Variants in WDR4 observed in about 807,000 individuals in gnomAD.
WDR4 encodes the protein WDR4 tRNA N7-guanosine methyltransferase non-catalytic subunit.
WDR4 carries 47 observed loss-of-function variants against 48.6 expected under a neutral mutation model. The ratio of observed to expected loss-of-function variants is 0.97; its 90% CI spans 0.77 to 1.23. The LOEUF (loss-of-function observed/expected upper bound fraction) is 1.23, where lower values mean the gene tolerates loss of function less well. Among genes scored for constraint, WDR4 ranks in the 50% most tolerant of loss-of-function variants. The probability of loss-of-function intolerance (pLI) is 0.00; values close to 1 mark genes in which losing one functional copy is unlikely to be tolerated. For synonymous variants in WDR4, 268 were observed against 230.0 expected, an observed-to-expected ratio of 1.17 and a Z score of -1.49; for missense variants, 606 against 551.6, an observed-to-expected ratio of 1.10 and a Z score of -0.99.
At chr21:42,844,504 G>A (rs1057132342), downstream of WDR4, among the ~76,000 whole-genome samples, 4 of 152,308 alleles carry the variant, frequency 2.6e-5, no homozygotes, top group African/African-American at 7.2e-5. Context: ...CTGAGGCCTC[G>A]GGAGAACCTC....
At chr21:42,850,348 C>G (rs2057792504) in intron 10 of WDR4, 106 bp from the exon 11 acceptor site, 2 of 1,050,204 alleles carry the variant, frequency 1.9e-6, no homozygotes, top group African/African-American at 1.6e-5. Flanking sequence ...CTCCCAGAGT[C>G]CTCGGTGGAC....
downstream of WDR4, among the ~76,000 whole-genome samples, chr21:42,848,774 T>A (rs1602679550): frequency 2.1e-5 from 1 of 48,138 alleles, no homozygotes. Context: ...GGCGCGCACC[T>A]CACACAGCAC....
the WDR4 span, among the ~76,000 whole-genome samples, chr21:42,887,192 G>C: frequency 1.3e-5 from 2 of 152,072 alleles, no homozygotes; most frequent in Non-Finnish European, 2.9e-5. Context: ...GGGTTTCTCC[G>C]TGTTGGTCAG....
Position 42,849,857 on chromosome 21 carries a change from C to T in WDR4, c.*192G>A. On this transcript the variant is annotated 3_prime_UTR_variant, in exon 11 of 11. Coordinates refer to ENST00000398208, the MANE Select transcript of WDR4 (RefSeq NM_018669.6). ...GGCTTCCCTTCAACCAGAAAGGGGG[C>T]ACAGGCACCCAGCAAGAGCCTGTGC... 1.6e-6 allele frequency: 1 copy of T among 640,500 alleles called. No individual in the cohort carries two copies. The highest frequency in any genetic ancestry group is 2.5e-6 in the Non-Finnish European group (1 of 393,718). 39.7% of individuals were successfully genotyped at this position (640,500 alleles called of 1,614,324 possible). A position where few individuals can be genotyped will look rare whatever the true frequency, so the allele number is the denominator to read the frequency against.
At chr21:42,886,081 C>T in the WDR4 span, among the ~76,000 whole-genome samples, 1 of 152,012 alleles carries the variant, frequency 6.6e-6, no homozygotes, top group East Asian at 1.9e-4. Context: ...CTCAGCCTCC[C>T]GAGTAGCTGG....
At position 42,876,784 on chromosome 21, in the gene WDR4, A is replaced by G. The variant is rs369382950; in HGVS notation, c.90-17T>C. 39 of 1,600,458 alleles carry G rather than the reference A, an allele frequency of 2.4e-5. No homozygotes were observed. The highest frequency in any genetic ancestry group is 1.1e-5 in the Non-Finnish European group (13 of 1,175,970). ...TCATCATCACTAAAGAGAAATAACAATAATTTTAAAAGGAGTTATCATTAG... is the reference window on the plus strand; with the variant it reads ...TCATCATCACTAAAGAGAAATAACAGTAATTTTAAAAGGAGTTATCATTAG... On this transcript the variant is annotated splice_polypyrimidine_tract_variant and intron_variant, in intron 1 of 10. Coordinates refer to ENST00000398208, the MANE Select transcript of WDR4 (RefSeq NM_018669.6).
chr21:42,850,899 G>C (rs2057807842), intron 10 of WDR4, among the ~76,000 whole-genome samples: 1 of 152,194 alleles, frequency 6.6e-6, no homozygotes, highest in Non-Finnish European at 1.5e-5. Flanking sequence ...GCCTCAGCCT[G>C]GCCAGGAAAC....
chr21:42,892,941 G>A, the WDR4 span, among the ~76,000 whole-genome samples: 1 of 152,262 alleles, frequency 6.6e-6, no homozygotes, highest in Non-Finnish European at 1.5e-5. Context: ...GAAGGTCGCA[G>A]ATTTAAGGCT....
chr21:42,892,119 T>TGGC, the WDR4 span, among the ~76,000 whole-genome samples: 13 of 151,920 alleles, frequency 8.6e-5, no homozygotes, highest in African/African-American at 2.9e-4. Flanking sequence ...CCGGGCGTGG[T>TGGC]GGCGGGTGCC....
Position 42,879,499 on chromosome 21 carries a change from C to T in WDR4, c.-4G>A, listed in dbSNP as rs2058583316. 3.1e-6 allele frequency: 5 copies of T among 1,613,194 alleles called. No individual in the cohort carries two copies. The highest frequency in any genetic ancestry group is 4.2e-6 in the Non-Finnish European group (5 of 1,179,838). Reference sequence around the variant, plus strand: ...CCAGTCCCACAGAGCCCGCCATGTACCCGCCCGCCTCACCGCCATACACAT... The same window carrying T: ...CCAGTCCCACAGAGCCCGCCATGTATCCGCCCGCCTCACCGCCATACACAT... On this transcript the variant is annotated 5_prime_UTR_variant, in exon 1 of 11. Transcript: ENST00000398208.
chr21:42,848,193 T>G (rs886837719), downstream of WDR4, among the ~76,000 whole-genome samples: 1 of 152,190 alleles, frequency 6.6e-6, no homozygotes, highest in Non-Finnish European at 1.5e-5. Context: ...CCTGTTCCTG[T>G]GTGGAGACTT....
Position 42,864,039 on chromosome 21 carries a change from G to A in WDR4, c.297-443C>T, listed in dbSNP as rs1193980993. Among the ~76,000 whole-genome samples, 11 of 85,472 alleles carry A rather than the reference G, an allele frequency of 1.3e-4. No homozygotes were observed. In the East Asian group the frequency reaches 1.6e-3, roughly 12 times the overall value. 56.1% of individuals were successfully genotyped at this position (85,472 alleles called of 152,430 possible). A position where few individuals can be genotyped will look rare whatever the true frequency, so the allele number is the denominator to read the frequency against. On this transcript the variant is annotated intron_variant, in intron 3 of 10. Coordinates refer to ENST00000398208, the MANE Select transcript of WDR4 (RefSeq NM_018669.6). ...GGAGAATGGCGTGAACCCGGGAGGCGGAGCTTGCAGTGAGCCGAGATCCCG... is the reference window on the plus strand; with the variant it reads ...GGAGAATGGCGTGAACCCGGGAGGCAGAGCTTGCAGTGAGCCGAGATCCCG...
the WDR4 span, among the ~76,000 whole-genome samples, chr21:42,888,747 A>T: frequency 6.7e-6 from 1 of 148,430 alleles, no homozygotes; most frequent in Admixed American, 6.8e-5. Flanking sequence ...GTCACCCAGG[A>T]TGGAGTGCAG....
At chr21:42,871,587 TG>T (rs2146088236) in intron 3 of WDR4, among the ~76,000 whole-genome samples, 1 of 152,336 alleles carries the variant, frequency 6.6e-6, no homozygotes, top group African/African-American at 2.4e-5. Context: ...AAGATAAAGA[TG>T]ACGCGATCCA....
At chr21:42,873,015 G>A (rs779683717) in intron 3 of WDR4, among the ~76,000 whole-genome samples, 13 of 152,200 alleles carry the variant, frequency 8.5e-5, no homozygotes, top group Non-Finnish European at 1.5e-4. Flanking sequence ...AAGGCATAGC[G>A]ATATCTCCCG....
rs2058131761 is a variant in WDR4, at chr21:42,862,176, AC to A, written c.566+105del. ...AACACCAAGCACGGGGGCTGCTGTC[AC>A]CCGCGTGGGGCCTCGCCAGCTACAA... On this transcript the variant is annotated intron_variant, in intron 5 of 10. Coordinates refer to ENST00000398208, the MANE Select transcript of WDR4 (RefSeq NM_018669.6). The surrounding 1 kb of genome is among the most constrained non-coding windows in gnomAD (Gnocchi z 4.3). 5 of 1,002,314 alleles carry A rather than the reference AC, an allele frequency of 5.0e-6. No homozygotes were observed. Among genetic ancestry groups the A allele is most frequent in the Non-Finnish European group, 7.3e-6 (5 of 683,512 alleles). 62.1% of individuals were successfully genotyped at this position (1,002,314 alleles called of 1,614,324 possible). A position where few individuals can be genotyped will look rare whatever the true frequency, so the allele number is the denominator to read the frequency against.
chr21:42,878,533 A>G (rs377477403), intron 1 of WDR4, among the ~76,000 whole-genome samples: 15 of 152,228 alleles, frequency 9.9e-5, no homozygotes, highest in African/African-American at 3.4e-4. Flanking sequence ...TTGGCTTTCT[A>G]AAACCAAACG....
chr21:42,866,190 T>A (rs2058242264), intron 3 of WDR4, among the ~76,000 whole-genome samples: 1 of 152,138 alleles, frequency 6.6e-6, no homozygotes, highest in African/African-American at 2.4e-5. Flanking sequence ...TTGGAAAACC[T>A]GGCCTCAGTC....
intron 3 of WDR4, among the ~76,000 whole-genome samples, chr21:42,868,028 C>T (rs1417541596): frequency 2.0e-5 from 3 of 152,212 alleles, no homozygotes; most frequent in Non-Finnish European, 2.9e-5. Flanking sequence ...GCATCCACCA[C>T]GAGTCCCAAC....
Sources: gnomAD v4.1 joint callset for allele counts (sites outside exome capture counted in the v4.1 genomes callset) on GRCh38, gnomAD v4.1.1 for gene constraint, Gnocchi (gnomAD v3.1) non-coding constraint, MANE v1.5 for transcripts, NCBI Gene and HGNC (gene_info 2026-07-23, HGNC 2026-07-21) for gene names.